CNTN4: variants seen among roughly 807,000 people sequenced by gnomAD.
The protein encoded by CNTN4 is contactin-4.
CNTN4 carries 77 observed loss-of-function variants against 122.5 expected under a neutral mutation model. That is an observed-to-expected ratio of 0.63 (90% CI 0.52 to 0.76). The LOEUF (loss-of-function observed/expected upper bound fraction) is 0.76, where lower values mean the gene tolerates loss of function less well. CNTN4 is among the 30% of genes least tolerant of loss of function. CNTN4 has a pLI of 0.00. For synonymous variants in CNTN4, 512 were observed against 447.0 expected (o/e 1.15, Z -1.83); for missense variants, 1,256 against 1,259.1 (o/e 1.00, Z 0.04).
At chr3:2,326,523 CACACAA>C (rs777661340) in intron 2 of CNTN4, among the ~76,000 whole-genome samples, 333 of 107,672 alleles carry the variant, frequency 3.1e-3, no homozygotes, top group Admixed American at 4.8e-3. Flanking sequence ...CACACACACA[CACACAA>C]TCTTACTGAT....
chr3:2,723,796 A>C (rs1189209916), intron 4 of CNTN4, among the ~76,000 whole-genome samples: 1 of 152,194 alleles, frequency 6.6e-6, no homozygotes, highest in Non-Finnish European at 1.5e-5. Context: ...GCTGGTAATC[A>C]TAGAGAGCAG....
intron 2 of CNTN4, among the ~76,000 whole-genome samples, chr3:2,255,082 C>T (rs1225484302): frequency 6.6e-6 from 1 of 152,132 alleles, no homozygotes; most frequent in African/African-American, 2.4e-5. Flanking sequence ...AGGAAGGGCT[C>T]CAGTTTCAGT....
chr3:2,931,680 C>A (rs950514042), intron 13 of CNTN4, among the ~76,000 whole-genome samples: 11 of 152,086 alleles, frequency 7.2e-5, no homozygotes, highest in African/African-American at 2.7e-4. Context: ...CCAGGCTGGA[C>A]AGCAGTGGTG....
At chr3:2,120,866 A>T (rs1287988642) in intron 2 of CNTN4, among the ~76,000 whole-genome samples, 3 of 152,150 alleles carry the variant, frequency 2.0e-5, no homozygotes, top group African/African-American at 7.2e-5. Context: ...CAGTGTACCA[A>T]GGAAGTCACT....
intron 23 of CNTN4, among the ~76,000 whole-genome samples, chr3:3,048,520 G>A (rs879442242): frequency 1.5e-5 from 2 of 129,330 alleles, no homozygotes; most frequent in African/African-American, 7.0e-5. Context: ...CTCTCTCTGT[G>A]TGTGTGTGTG....
intron 2 of CNTN4, among the ~76,000 whole-genome samples, chr3:2,104,386 A>T (rs2032260404): frequency 6.6e-6 from 1 of 152,144 alleles, no homozygotes; most frequent in Non-Finnish European, 1.5e-5. Flanking sequence ...TAAGCTCTTA[A>T]TTTTCAGTGA....
chr3:2,259,368 A>T (rs2040728389), intron 2 of CNTN4, among the ~76,000 whole-genome samples: 1 of 152,232 alleles, frequency 6.6e-6, no homozygotes, highest in Non-Finnish European at 1.5e-5. Context: ...AGTTATTCTC[A>T]TGTTACATGA....
In CNTN4 at chr3:2,320,085, A is replaced by C. The variant is rs546069443; in HGVS notation, c.-144-19093A>C. On this transcript the variant is annotated intron_variant, in intron 2 of 24. Coordinates refer to ENST00000418658, the MANE Select transcript of CNTN4 (RefSeq NM_175607.3). ...TGCCTTAGCAAAGAGAATATAGCTGAAACAAGAATCAATCAGGCTGTTGGG... is the reference window on the plus strand; with the variant it reads ...TGCCTTAGCAAAGAGAATATAGCTGCAACAAGAATCAATCAGGCTGTTGGG... Among the ~76,000 whole-genome samples, 62 of 152,330 alleles carry C rather than the reference A, an allele frequency of 4.1e-4. 1 individual carries two copies. In the South Asian group the frequency reaches 0.012, roughly 30 times the overall value.
At position 2,600,005 on chromosome 3, in the gene CNTN4, CTTCTT is replaced by C. The variant is rs1317038199; in HGVS notation, c.55+28450_55+28454del. Among the ~76,000 whole-genome samples, 54 of 28,264 alleles carry C rather than the reference CTTCTT, an allele frequency of 1.9e-3. 4 individuals are homozygous for C. The highest frequency in any genetic ancestry group is 1.5e-3 in the South Asian group (1 of 670). The allele number at this position is 28,264 out of a possible 152,430, so 18.5% of individuals were successfully genotyped here. A position where few individuals can be genotyped will look rare whatever the true frequency, so the allele number is the denominator to read the frequency against. ...CAACTCTATTTTGGTTTATGGAATT[CTTCTT>C]TTTTTTTTTTTTTTTTTTTTTTTTT... On this transcript the variant is annotated intron_variant, in intron 4 of 24. Transcript: ENST00000418658.
At chr3:2,394,847 C>T (rs888576662) in intron 3 of CNTN4, among the ~76,000 whole-genome samples, 23 of 135,524 alleles carry the variant, frequency 1.7e-4, no homozygotes, top group African/African-American at 5.1e-4. Flanking sequence ...AGTACAGTGG[C>T]GCAATCTCGA....
chr3:2,932,764 G>A (rs1173850145), intron 13 of CNTN4, among the ~76,000 whole-genome samples: 3 of 152,100 alleles, frequency 2.0e-5, no homozygotes, highest in African/African-American at 7.2e-5. Context: ...AGAAAAAAAA[G>A]GAGGGAGGGT....
chr3:2,432,872 G>A (rs1490765157), intron 3 of CNTN4, among the ~76,000 whole-genome samples: 2 of 150,694 alleles, frequency 1.3e-5, no homozygotes, highest in Non-Finnish European at 2.9e-5. Flanking sequence ...GCAGTGGTGA[G>A]CTCTTGGTTC....
chr3:2,623,434 C>G (rs2082068130), intron 4 of CNTN4, among the ~76,000 whole-genome samples: 1 of 152,060 alleles, frequency 6.6e-6, no homozygotes, highest in Admixed American at 6.6e-5. Flanking sequence ...GCAGTTTTAC[C>G]TAGGCTTTGG....
chr3:2,712,835 A>AT (rs1334439366), intron 4 of CNTN4, among the ~76,000 whole-genome samples: 1 of 152,224 alleles, frequency 6.6e-6, no homozygotes, highest in Admixed American at 6.5e-5. Context: ...AGAAGCCTTC[A>AT]TAAAAACCCA....
chr3:2,920,365 A>G (rs1226252350), intron 12 of CNTN4, among the ~76,000 whole-genome samples: 1 of 151,454 alleles, frequency 6.6e-6, no homozygotes, highest in African/African-American at 2.4e-5. Flanking sequence ...GTGACAATAG[A>G]ATAGTTCCCT....
intron 6 of CNTN4, among the ~76,000 whole-genome samples, chr3:2,765,425 G>C (rs1007368826): frequency 6.6e-6 from 1 of 152,188 alleles, no homozygotes; most frequent in African/African-American, 2.4e-5. Context: ...CCTTCCTAGA[G>C]TATGTCTCAC....
At chr3:2,913,973 G>A (rs914576649) in intron 12 of CNTN4, among the ~76,000 whole-genome samples, 4 of 152,064 alleles carry the variant, frequency 2.6e-5, no homozygotes, top group Admixed American at 6.6e-5. Flanking sequence ...GGACTATGAC[G>A]GAATGAAACT....
chr3:2,965,376 G>A (rs577748877), intron 13 of CNTN4, among the ~76,000 whole-genome samples: 1 of 152,246 alleles, frequency 6.6e-6, no homozygotes, highest in African/African-American at 2.4e-5. Flanking sequence ...ACTTTCTCTG[G>A]TGATGGAAAT....
intron 6 of CNTN4, among the ~76,000 whole-genome samples, chr3:2,793,324 A>C (rs1294373216): frequency 1.3e-5 from 2 of 151,990 alleles, no homozygotes; most frequent in Non-Finnish European, 2.9e-5. Flanking sequence ...AACTTGTAAG[A>C]CCTTGTCAGA....
Sources: allele counts gnomAD v4.1 joint callset (sites outside exome capture counted in the v4.1 genomes callset), GRCh38; gene constraint gnomAD v4.1.1; transcripts MANE v1.5; gene names NCBI Gene and HGNC (gene_info 2026-07-23, HGNC 2026-07-21).